GRIK2: variants seen among roughly 807,000 people sequenced by gnomAD.
GRIK2 encodes glutamate ionotropic receptor kainate type subunit 2.
Under a neutral mutation model 100.3 loss-of-function variants are expected in GRIK2, and 32 were observed. The ratio of observed to expected loss-of-function variants is 0.32; its 90% confidence interval spans 0.24 to 0.43. The LOEUF is 0.43. GRIK2 is among the 20% of genes least tolerant of loss of function. The pLI is 1.00. For synonymous variants in GRIK2, 417 were observed against 389.4 expected (o/e 1.07, Z -0.83); for missense variants, 843 against 1,114.9 (o/e 0.76, Z 3.47).
chr6:101,629,475 A>G (rs1026126336), intron 4 of GRIK2, among the ~76,000 whole-genome samples: 1 of 152,116 alleles, frequency 6.6e-6, no homozygotes, highest in Non-Finnish European at 1.5e-5. Flanking sequence ...GCCCTTGTTG[A>G]GCTTCTAATC....
chr6:101,645,410 G>A (rs1219879887), intron 4 of GRIK2, among the ~76,000 whole-genome samples: 6 of 151,716 alleles, frequency 4.0e-5, no homozygotes, highest in Non-Finnish European at 7.4e-5. Context: ...TCTTAAGTGG[G>A]AAACTACAAT....
chr6:101,627,104 CGTGTGTGTGTCTCT>C (rs1323223729), intron 4 of GRIK2, among the ~76,000 whole-genome samples: 3 of 141,374 alleles, frequency 2.1e-5, no homozygotes, highest in Non-Finnish European at 4.5e-5. Context: ...TGTGTGTGTG[CGTGTGTGTGTCTCT>C]GTGTGTGTGT....
chr6:101,455,082 C>A (rs9485499), intron 2 of GRIK2, among the ~76,000 whole-genome samples: 2 of 151,750 alleles, frequency 1.3e-5, no homozygotes, highest in Non-Finnish European at 2.9e-5. Flanking sequence ...TATAACAGGA[C>A]GAAAACTATT....
intron 2 of GRIK2, among the ~76,000 whole-genome samples, chr6:101,488,448 C>G (rs1359268531): frequency 6.8e-6 from 1 of 146,572 alleles, no homozygotes; most frequent in Non-Finnish European, 1.5e-5. Flanking sequence ...ATAATGTAAA[C>G]TTGTTAAAGA....
intron 15 of GRIK2, among the ~76,000 whole-genome samples, chr6:102,046,721 CAT>C (rs1233580886): frequency 6.6e-6 from 1 of 152,084 alleles, no homozygotes; most frequent in Non-Finnish European, 1.5e-5. Flanking sequence ...ACCTAACAAA[CAT>C]ATATAGAACT....
At chr6:102,006,950 A>G (rs1025675355) in intron 14 of GRIK2, among the ~76,000 whole-genome samples, 6 of 152,104 alleles carry the variant, frequency 3.9e-5, no homozygotes, top group African/African-American at 1.4e-4. Flanking sequence ...ATTTTGTTGA[A>G]GAACTTTATG....
intron 15 of GRIK2, among the ~76,000 whole-genome samples, chr6:102,043,639 T>TTTTC (rs1770719143): frequency 6.6e-6 from 1 of 151,994 alleles, no homozygotes; most frequent in Admixed American, 6.6e-5. Context: ...ATGTACTGCA[T>TTTTC]TTTCTTTATT....
chr6:101,560,573 T>C (rs1437408720), intron 2 of GRIK2, among the ~76,000 whole-genome samples: 1 of 152,048 alleles, frequency 6.6e-6, no homozygotes, highest in East Asian at 1.9e-4. Flanking sequence ...AAACTGGACA[T>C]TTAAAAAAAA....
chr6:101,900,425 C>T (rs1787767421), intron 12 of GRIK2, among the ~76,000 whole-genome samples: 1 of 152,018 alleles, frequency 6.6e-6, no homozygotes, highest in South Asian at 2.1e-4. Flanking sequence ...GATCGTGAGC[C>T]GAGATCGCGC....
intron 2 of GRIK2, among the ~76,000 whole-genome samples, chr6:101,555,241 T>G (rs1776681058): frequency 6.6e-6 from 1 of 152,312 alleles, no homozygotes; most frequent in Middle Eastern, 3.4e-3. Flanking sequence ...GTAAATGAGC[T>G]TTTCACACAG....
chr6:101,842,582 C>A (rs940039802), intron 10 of GRIK2, among the ~76,000 whole-genome samples: 1 of 152,058 alleles, frequency 6.6e-6, no homozygotes, highest in Non-Finnish European at 1.5e-5. Context: ...AGAGTATTTT[C>A]TTTAAAATGA....
chr6:102,059,250 A>T (rs1241093441), intron 16 of GRIK2, among the ~76,000 whole-genome samples: 1 of 151,318 alleles, frequency 6.6e-6, no homozygotes, highest in Non-Finnish European at 1.5e-5. Flanking sequence ...AATTTTTATA[A>T]AAAATGGCTT....
intron 9 of GRIK2, among the ~76,000 whole-genome samples, chr6:101,810,423 C>T (rs1781256010): frequency 6.6e-6 from 1 of 151,976 alleles, no homozygotes; most frequent in Admixed American, 6.6e-5. Flanking sequence ...CTCATATTAG[C>T]ACTATAGTTC....
chr6:101,724,039 G>A (rs1256049148), intron 7 of GRIK2, among the ~76,000 whole-genome samples: 2 of 151,644 alleles, frequency 1.3e-5, no homozygotes, highest in East Asian at 2.0e-4. Context: ...TTTATCTTAG[G>A]TTGAAGATCA....
intron 4 of GRIK2, among the ~76,000 whole-genome samples, chr6:101,634,632 G>A (rs1338614457): frequency 6.6e-6 from 1 of 152,034 alleles, no homozygotes; most frequent in Non-Finnish European, 1.5e-5. Context: ...CAAAAGAAAT[G>A]AGTTAGTAGG....
chr6:101,501,856 C>A (rs1773764687), intron 2 of GRIK2, among the ~76,000 whole-genome samples: 1 of 152,180 alleles, frequency 6.6e-6, no homozygotes, highest in African/African-American at 2.4e-5. Context: ...CTCCTGGGTT[C>A]AAGCGATCCT....
chr6:101,909,379 T>TTTTGTTG (rs1262456592), intron 12 of GRIK2, among the ~76,000 whole-genome samples: 2,370 of 82,038 alleles, frequency 0.029, 154 homozygotes, highest in African/African-American at 0.072. Context: ...GGGTTTTCTT[T>TTTTGTTG]TTCTTTTTTT....
chr6:101,422,694 CAA>C (rs989387102), intron 2 of GRIK2, among the ~76,000 whole-genome samples: 2 of 151,196 alleles, frequency 1.3e-5, no homozygotes, highest in African/African-American at 4.9e-5. Flanking sequence ...GAAGAAGAAA[CAA>C]AGAGACACTT....
At chr6:101,491,737 C>T (rs1191274748) in intron 2 of GRIK2, among the ~76,000 whole-genome samples, 1 of 151,880 alleles carries the variant, frequency 6.6e-6, no homozygotes, top group African/African-American at 2.4e-5. Context: ...ATACTATTAT[C>T]TTTATCACAA....
Sources: allele counts gnomAD v4.1 joint callset (sites outside exome capture counted in the v4.1 genomes callset), GRCh38; gene constraint gnomAD v4.1.1; transcripts MANE v1.5; gene names NCBI Gene and HGNC (gene_info 2026-07-23, HGNC 2026-07-21).